GABRA2: variants seen among roughly 807,000 people sequenced by gnomAD.
GABRA2 encodes the protein gamma-aminobutyric acid receptor subunit alpha-2.
A neutral mutation model predicts 48.7 loss-of-function variants in GABRA2; 16 were observed. That is an observed-to-expected ratio of 0.33 (90% CI 0.22 to 0.50). The LOEUF (loss-of-function observed/expected upper bound fraction) is 0.50. GABRA2 is among the 20% of genes least tolerant of loss of function. The pLI is 0.98. For missense variants in GABRA2, 275 were observed against 535.6 expected, an observed-to-expected ratio of 0.51 and a Z score of 4.80; for synonymous variants, 185 against 184.5, an observed-to-expected ratio of 1.00 and a Z score of -0.02.
intron 8 of GABRA2, among the ~76,000 whole-genome samples, chr4:46,282,256 T>C (rs558718178): frequency 6.6e-6 from 1 of 152,068 alleles, no homozygotes; most frequent in African/African-American, 2.4e-5. Flanking sequence ...GCTCAAGGAG[T>C]GGCCTGTGAC....
chr4:46,383,856 G>C (rs1192217918), intron 3 of GABRA2, among the ~76,000 whole-genome samples: 1 of 152,138 alleles, frequency 6.6e-6, no homozygotes. Context: ...GAATTATCAA[G>C]AGAAAATAAA....
chr4:46,281,497 T>A (rs150703324), intron 8 of GABRA2, among the ~76,000 whole-genome samples: 46 of 152,270 alleles, frequency 3.0e-4, no homozygotes, highest in African/African-American at 1.1e-3. Context: ...AGTGTGGTTA[T>A]CCTAGAAAGA....
chr4:46,350,141 A>C (rs1734875460), intron 3 of GABRA2, among the ~76,000 whole-genome samples: 1 of 151,906 alleles, frequency 6.6e-6, no homozygotes, highest in Non-Finnish European at 1.5e-5. Context: ...ACAGATCTGC[A>C]TTGAAATATT....
chr4:46,382,193 C>CACACAT (rs34058486), intron 3 of GABRA2, among the ~76,000 whole-genome samples: 3 of 148,356 alleles, frequency 2.0e-5, no homozygotes, highest in African/African-American at 5.0e-5. Context: ...CACACACACA[C>CACACAT]ATATATATAT....
At chr4:46,291,776 C>CATATATATAT (rs560142153) in intron 8 of GABRA2, among the ~76,000 whole-genome samples, 3,792 of 144,630 alleles carry the variant, frequency 0.026, 68 homozygotes, top group Admixed American at 0.053. Flanking sequence ...TAAACACACA[C>CATATATATAT]ATATATATAT....
At chr4:46,363,954 C>T (rs1448039089) in intron 3 of GABRA2, 1 of 152,092 alleles carries the variant, frequency 6.6e-6, no homozygotes, top group Non-Finnish European at 1.5e-5. Flanking sequence ...AATGTAACAT[C>T]CAATCTTGTC....
intron 8 of GABRA2, among the ~76,000 whole-genome samples, chr4:46,289,634 C>T (rs1382504120): frequency 3.9e-5 from 6 of 152,082 alleles, no homozygotes; most frequent in African/African-American, 1.4e-4. Flanking sequence ...AAATAATCTG[C>T]ACAACAAACT....
intron 4 of GABRA2, among the ~76,000 whole-genome samples, chr4:46,327,825 G>A (rs13123049): frequency 0.029 from 4,341 of 152,056 alleles, 92 homozygotes; most frequent in South Asian, 0.061. Flanking sequence ...TAGCCTAATG[G>A]TAAACTCTGT....
intron 8 of GABRA2, among the ~76,000 whole-genome samples, chr4:46,291,259 C>A (rs1723571513): frequency 6.6e-6 from 1 of 152,086 alleles, no homozygotes. Flanking sequence ...GGAAATTCTC[C>A]ACTTATAATA....
In GABRA2 at chr4:46,384,451, A is replaced by G. The variant is rs558867576; in HGVS notation, c.187+1623T>C. Among the ~76,000 whole-genome samples, 13 of 152,310 alleles carry G rather than the reference A, an allele frequency of 8.5e-5. No homozygotes were observed. The South Asian group carries it at 2.7e-3, about 32-fold the overall frequency. On this transcript the variant is annotated intron_variant, in intron 3 of 9. Transcript: ENST00000381620. ...AAATAAAAAGGATGCAAGATTTTAC[A>G]AAAGAAATATAAGGAGATCAATGGC... is the stretch of plus-strand genomic sequence containing the variant.
At position 46,245,543 on chromosome 4, in the gene GABRA2, AT is replaced by A. The variant is rs1182685271; in HGVS notation, c.*4764del. Among the ~76,000 whole-genome samples, 2 of 151,376 alleles carry A rather than the reference AT, an allele frequency of 1.3e-5. No homozygotes were observed. The highest frequency in any genetic ancestry group is 3.0e-5 in the Non-Finnish European group (2 of 67,498). On this transcript the variant is annotated 3_prime_UTR_variant, in exon 10 of 10. Coordinates refer to ENST00000381620, the MANE Select transcript of GABRA2 (RefSeq NM_000807.4). ...ATTCTAATTAATAAGTTTGTTATGG[AT>A]TTACTGAAAAATGTGTTCTAGTGTG... is the stretch of plus-strand genomic sequence containing the variant.
chr4:46,277,388 G>T (rs967948577), intron 8 of GABRA2, among the ~76,000 whole-genome samples: 3 of 152,082 alleles, frequency 2.0e-5, no homozygotes, highest in Non-Finnish European at 4.4e-5. Flanking sequence ...TGTGCCTCCT[G>T]TTAGCACTCC....
At chr4:46,295,799 G>T (rs1483619721) in intron 8 of GABRA2, among the ~76,000 whole-genome samples, 2 of 152,180 alleles carry the variant, frequency 1.3e-5, no homozygotes, top group Non-Finnish European at 2.9e-5. Context: ...GCAGATGTTT[G>T]TTCTCACTTG....
At chr4:46,271,826 A>G (rs1719392540) in intron 8 of GABRA2, among the ~76,000 whole-genome samples, 1 of 151,870 alleles carries the variant, frequency 6.6e-6, no homozygotes, top group Non-Finnish European at 1.5e-5. Context: ...TCTCAGAGAA[A>G]GACTTCACAA....
At chr4:46,252,172 G>A (rs1714904185) in intron 9 of GABRA2, among the ~76,000 whole-genome samples, 1 of 151,360 alleles carries the variant, frequency 6.6e-6, no homozygotes, top group Non-Finnish European at 1.5e-5. Context: ...ATCTTTCACT[G>A]GCCTGAGTTT....
At chr4:46,325,878 T>G (rs1333970152) in intron 4 of GABRA2, among the ~76,000 whole-genome samples, 1 of 151,990 alleles carries the variant, frequency 6.6e-6, no homozygotes, top group Non-Finnish European at 1.5e-5. Flanking sequence ...AAAGATTATC[T>G]AGCTATAAGT....
chr4:46,315,269 T>G (rs1728357114), intron 4 of GABRA2, among the ~76,000 whole-genome samples: 1 of 152,010 alleles, frequency 6.6e-6, no homozygotes, highest in Non-Finnish European at 1.5e-5. Flanking sequence ...GTTTGTTGGC[T>G]GCTTGTATGT....
intron 8 of GABRA2, among the ~76,000 whole-genome samples, chr4:46,262,924 A>T (rs987860590): frequency 2.1e-4 from 30 of 142,034 alleles, no homozygotes; most frequent in Admixed American, 2.0e-3. Flanking sequence ...AGAAAGAGAG[A>T]GAGAAAGAAA....
chr4:46,250,242 CTGTA>C lies in GABRA2; in HGVS notation c.*62_*65del. 3 of 1,334,750 alleles carry C rather than the reference CTGTA, an allele frequency of 2.2e-6. No homozygotes were observed. Among genetic ancestry groups the C allele is most frequent in the Non-Finnish European group, 3.1e-6 (3 of 954,390 alleles). 82.7% of individuals were successfully genotyped at this position (1,334,750 alleles called of 1,614,324 possible). A position where few individuals can be genotyped will look rare whatever the true frequency, so the allele number is the denominator to read the frequency against. The stretch of plus-strand genomic sequence containing the variant: ...CACAAATTAGCAGTTATTAGTCAGA[CTGTA>C]CATAGCAAAACAAACCAAATTTAAT... On this transcript the variant is annotated 3_prime_UTR_variant, in exon 10 of 10. Transcript: ENST00000381620.
Sources: gnomAD v4.1 joint callset for allele counts (sites outside exome capture counted in the v4.1 genomes callset) on GRCh38, gnomAD v4.1.1 for gene constraint, MANE v1.5 for transcripts, NCBI Gene and HGNC (gene_info 2026-07-23, HGNC 2026-07-21) for gene names.